Variants in MCC observed in about 807,000 individuals in gnomAD.
The protein encoded by MCC is MCC regulator of Wnt signaling pathway, also known as colorectal mutant cancer protein.
MCC carries 90 observed loss-of-function variants against 116.2 expected under a neutral mutation model. The ratio of observed to expected loss-of-function variants is 0.77; its 90% CI spans 0.65 to 0.92. The LOEUF is 0.92. MCC is among the 40% of genes least tolerant of loss of function. The pLI, the probability that MCC is intolerant of heterozygous loss-of-function variation, is 0.00. For synonymous variants in MCC, 578 were observed against 510.5 expected (o/e 1.13, Z -1.78); for missense variants, 1,516 against 1,312.2 (o/e 1.16, Z -2.40).
intron 11 of MCC, among the ~76,000 whole-genome samples, chr5:113,071,958 C>T (rs1330393248): frequency 6.6e-6 from 1 of 152,206 alleles, no homozygotes; most frequent in Non-Finnish European, 1.5e-5. Flanking sequence ...GTAGGATAAG[C>T]ATTGGGAACT....
chr5:113,063,497 G>A (rs1295170802), intron 14 of MCC, among the ~76,000 whole-genome samples: 6 of 152,206 alleles, frequency 3.9e-5, no homozygotes, highest in African/African-American at 1.2e-4. Context: ...AGAGATGAGA[G>A]GAGAGGCTCT....
At chr5:113,471,649 T>C (rs952104774) in intron 1 of MCC, among the ~76,000 whole-genome samples, 7 of 152,014 alleles carry the variant, frequency 4.6e-5, no homozygotes, top group Non-Finnish European at 1.5e-5. Flanking sequence ...CTGCCCTTTC[T>C]CAGATCTCAA....
chr5:113,115,316 C>T lies in MCC; in HGVS notation c.1027+7368G>A, dbSNP rs561237784. On this transcript the variant is annotated intron_variant, in intron 6 of 18. Transcript: ENST00000408903. Reference sequence around the variant, plus strand: ...AAGTCAGGGTGGGTGACCTGAGAAGCGAAAGACGCCACCCCACCACATTCT... The same window carrying T: ...AAGTCAGGGTGGGTGACCTGAGAAGTGAAAGACGCCACCCCACCACATTCT... 4.3e-4 allele frequency among the ~76,000 whole-genome samples: 66 copies of T among 152,294 alleles called. No individual in the cohort carries two copies. The South Asian group carries it at 4.6e-3, about 11-fold the overall frequency.
At chr5:113,443,579 T>C (rs935952350) in intron 1 of MCC, among the ~76,000 whole-genome samples, 11 of 152,220 alleles carry the variant, frequency 7.2e-5, no homozygotes, top group Admixed American at 5.2e-4. Context: ...ATGCCGGTTT[T>C]CAAAGGGAAT....
chr5:113,294,342 G>A (rs987868206), intron 3 of MCC: 20 of 1,613,768 alleles, frequency 1.2e-5, no homozygotes, highest in Non-Finnish European at 1.6e-5. Flanking sequence ...ACTCAGCTCG[G>A]CCGAGGAGTC....
chr5:113,022,348 CAGT>C lies in MCC; in HGVS notation c.*4951_*4953del, dbSNP rs201956502. On this transcript the variant is annotated 3_prime_UTR_variant, in exon 19 of 19. Coordinates refer to ENST00000408903, the MANE Select transcript of MCC (RefSeq NM_001085377.2). Reference sequence around the variant, plus strand: ...TTTAAAATGAGACTTTCAGTACAAACAGTAGAACAATACTGACAAATGCAAACT... The same window carrying C: ...TTTAAAATGAGACTTTCAGTACAAACAGAACAATACTGACAAATGCAAACT... The C allele has an allele frequency of 7.7e-3, 1,174 of 152,700 alleles. 13 individuals are homozygous for C. Among genetic ancestry groups the C allele is most frequent in the Middle Eastern group, 0.024 (7 of 294 alleles). 9.5% of individuals were successfully genotyped at this position (152,700 alleles called of 1,614,324 possible).
Position 113,488,327 on chromosome 5 carries a change from CGCTGCT to C in MCC, c.82_87del (p.Ser28_Ser29del), listed in dbSNP as rs577989080. ...TCCTCCTCGCCGGTGCTGGACGTGT[CGCTGCT>C]GCTGCTGCTGCTGCCGCTGCCGCCG... On this transcript the variant is annotated inframe_deletion, in exon 1 of 19. Coordinates refer to ENST00000408903, the MANE Select transcript of MCC (RefSeq NM_001085377.2). 1.4e-4 allele frequency: 214 copies of C among 1,519,206 alleles called. 8 individuals carry two copies. Among genetic ancestry groups the C allele is most frequent in the Admixed American group, 7.5e-4 (38 of 50,810 alleles). 94.1% of individuals were successfully genotyped at this position (1,519,206 alleles called of 1,614,324 possible). A position where few individuals can be genotyped will look rare whatever the true frequency, so the allele number is the denominator to read the frequency against.
intron 4 of MCC, among the ~76,000 whole-genome samples, chr5:113,146,125 A>T (rs1759501155): frequency 6.6e-6 from 1 of 152,004 alleles, no homozygotes; most frequent in Non-Finnish European, 1.5e-5. Context: ...AGTTTTAAAA[A>T]AATAGCATAC....
At chr5:113,111,250 A>G (rs1219793111) in intron 6 of MCC, among the ~76,000 whole-genome samples, 1 of 152,198 alleles carries the variant, frequency 6.6e-6, no homozygotes, top group East Asian at 1.9e-4. Flanking sequence ...AGCTGGGGCC[A>G]CTGTCTGTGT....
intron 13 of MCC, among the ~76,000 whole-genome samples, chr5:113,065,088 A>G (rs1352122058): frequency 2.6e-5 from 4 of 152,184 alleles, no homozygotes; most frequent in African/African-American, 9.7e-5. Flanking sequence ...TGGGGCAGTG[A>G]AGCTACTCTG....
chr5:113,072,211 A>G (rs1362731760), intron 11 of MCC, among the ~76,000 whole-genome samples: 1 of 152,238 alleles, frequency 6.6e-6, no homozygotes, highest in Non-Finnish European at 1.5e-5. Flanking sequence ...GGGGTTTGGA[A>G]GCCATTAGCT....
At chr5:113,032,109 T>TA (rs1324906556) in intron 17 of MCC, among the ~76,000 whole-genome samples, 5 of 152,248 alleles carry the variant, frequency 3.3e-5, no homozygotes, top group Non-Finnish European at 7.4e-5. Flanking sequence ...CTATTTAGTT[T>TA]AAAAAATACT....
intron 1 of MCC, among the ~76,000 whole-genome samples, chr5:113,477,555 A>G (rs1167952459): frequency 1.3e-5 from 2 of 152,228 alleles, no homozygotes; most frequent in Non-Finnish European, 2.9e-5. Flanking sequence ...GAGGCAGTCT[A>G]TATGCTGCAG....
At chr5:113,263,723 T>C (rs1581336766) in intron 3 of MCC, among the ~76,000 whole-genome samples, 2 of 152,308 alleles carry the variant, frequency 1.3e-5, no homozygotes, top group East Asian at 1.9e-4. Context: ...AGCTGTAATA[T>C]AGCTATTACC....
At chr5:113,273,480 T>C (rs375727605) in intron 3 of MCC, among the ~76,000 whole-genome samples, 8 of 152,150 alleles carry the variant, frequency 5.3e-5, no homozygotes, top group African/African-American at 1.7e-4. Context: ...TTTTTTGGTA[T>C]TGGGTTAAGT....
intron 3 of MCC, among the ~76,000 whole-genome samples, chr5:113,182,537 A>T (rs1243617427): frequency 6.6e-6 from 1 of 152,182 alleles, no homozygotes; most frequent in African/African-American, 2.4e-5. Flanking sequence ...CGGAGGTTGC[A>T]CTGAGCCAAT....
At chr5:113,138,749 G>A (rs1007846139) in intron 5 of MCC, among the ~76,000 whole-genome samples, 1 of 152,164 alleles carries the variant, frequency 6.6e-6, no homozygotes, top group African/African-American at 2.4e-5. Context: ...TAGATTCAAT[G>A]TCTAGTAATC....
rs1750245475 is a variant in MCC, at chr5:113,022,889, A to G, written c.*4413T>C. 6.6e-6 allele frequency: 1 copy of G among 152,202 alleles called. No homozygotes were observed. The highest frequency in any genetic ancestry group is 1.5e-5 in the Non-Finnish European group (1 of 68,040). The allele number at this position is 152,202 out of a possible 1,614,324, so 9.4% of individuals were successfully genotyped here. A position where few individuals can be genotyped will look rare whatever the true frequency, so the allele number is the denominator to read the frequency against. On this transcript the variant is annotated 3_prime_UTR_variant, in exon 19 of 19. Coordinates refer to ENST00000408903, the MANE Select transcript of MCC (RefSeq NM_001085377.2). ...TGAATGATTTCTTCCTCTTGGTCAC[A>G]TGCAAAATCTCACCCAGATGTAATG... is the stretch of plus-strand genomic sequence containing the variant.
chr5:113,372,241 G>A (rs1768853302), intron 2 of MCC, among the ~76,000 whole-genome samples: 5 of 152,132 alleles, frequency 3.3e-5, no homozygotes, highest in Non-Finnish European at 7.4e-5. Flanking sequence ...AGTGATTAAT[G>A]CCATTAAGAA....
Sources: gnomAD v4.1 joint callset for allele counts (sites outside exome capture counted in the v4.1 genomes callset) on GRCh38, gnomAD v4.1.1 for gene constraint, MANE v1.5 for transcripts, NCBI Gene and HGNC (gene_info 2026-07-23, HGNC 2026-07-21) for gene names.